The following FAM13A variants were observed in gnomAD, a reference collection of about 807,000 sequenced individuals.
FAM13A encodes family with sequence similarity 13 member A.
A neutral mutation model predicts 129.6 loss-of-function variants in FAM13A; 76 were observed. The ratio of observed to expected loss-of-function variants is 0.59; its 90% CI spans 0.49 to 0.71. The LOEUF (loss-of-function observed/expected upper bound fraction) is 0.71, where lower values mean the gene tolerates loss of function less well. Among genes scored for constraint, FAM13A ranks in the 30% least tolerant of loss-of-function variants. The pLI is 0.00. For synonymous variants in FAM13A, 443 were observed against 449.9 expected, an observed-to-expected ratio of 0.98 and a Z score of 0.20; for missense variants, 1,108 against 1,249.3, an observed-to-expected ratio of 0.89 and a Z score of 1.70.
intron 7 of FAM13A, among the ~76,000 whole-genome samples, chr4:88,843,748 A>T (rs1264108542): frequency 6.6e-6 from 1 of 152,244 alleles, no homozygotes; most frequent in Admixed American, 6.5e-5. Flanking sequence ...GTCACAAGGC[A>T]CAAACTTTCT....
chr4:88,923,415 T>G lies in FAM13A; in HGVS notation c.759+14673A>C, dbSNP rs566699933. ...GGTTCAACAAACGCAAATCAATAAA[T>G]GTAATCCAGCATATAAACAGAACCA... On this transcript the variant is annotated intron_variant, in intron 5 of 23. Transcript: ENST00000264344. Among the ~76,000 whole-genome samples the G allele has an allele frequency of 4.0e-4, 61 of 152,300 alleles. 1 individual carries two copies. The South Asian group carries it at 0.011, about 26-fold the overall frequency.
intron 5 of FAM13A, among the ~76,000 whole-genome samples, chr4:88,935,485 T>G (rs1367338457): frequency 1.3e-5 from 2 of 152,186 alleles, no homozygotes; most frequent in African/African-American, 4.8e-5. Context: ...CTCTTGGGTC[T>G]TTATCATTTA....
intron 4 of FAM13A, among the ~76,000 whole-genome samples, chr4:88,958,303 C>T (rs1020303306): frequency 6.6e-6 from 1 of 152,216 alleles, no homozygotes; most frequent in African/African-American, 2.4e-5. Context: ...CCCTGCACCG[C>T]TTCAGGACAC....
Position 89,046,267 on chromosome 4 carries a change from TATG to T in FAM13A, c.27+10668_27+10670del, listed in dbSNP as rs1770843413. On this transcript the variant is annotated intron_variant, in intron 1 of 23. Coordinates refer to ENST00000264344, the MANE Select transcript of FAM13A (RefSeq NM_014883.4). Reference sequence around the variant, plus strand: ...ATAAAATAAAAGTATAACCATGTAATATGAAGAAGAAATGAAAAACCTGGAACA... The same window carrying T: ...ATAAAATAAAAGTATAACCATGTAATAAGAAGAAATGAAAAACCTGGAACA... 4.6e-5 allele frequency among the ~76,000 whole-genome samples: 7 copies of T among 151,982 alleles called. No homozygotes were observed. The South Asian group carries it at 1.5e-3, about 32-fold the overall frequency.
chr4:89,055,418 G>A (rs1295306169), intron 1 of FAM13A, among the ~76,000 whole-genome samples: 1 of 152,090 alleles, frequency 6.6e-6, no homozygotes, highest in African/African-American at 2.4e-5. Flanking sequence ...TGATTTTTAT[G>A]TCAACTTTAA....
intron 7 of FAM13A, among the ~76,000 whole-genome samples, chr4:88,831,186 T>C (rs1295244202): frequency 1.3e-5 from 2 of 152,206 alleles, no homozygotes; most frequent in Non-Finnish European, 2.9e-5. Flanking sequence ...CACATTTTCC[T>C]GGAATGGGAC....
chr4:89,035,097 A>G (rs927545235), intron 1 of FAM13A, among the ~76,000 whole-genome samples: 1 of 152,218 alleles, frequency 6.6e-6, no homozygotes, highest in Non-Finnish European at 1.5e-5. Flanking sequence ...GCTGGAGGCC[A>G]GTATCCTAAG....
At chr4:88,888,033 T>C (rs1744732684) in intron 6 of FAM13A, among the ~76,000 whole-genome samples, 1 of 152,210 alleles carries the variant, frequency 6.6e-6, no homozygotes, top group African/African-American at 2.4e-5. Context: ...TCAGAATTTA[T>C]CTTCTAATAC....
In FAM13A at chr4:88,728,207, G is replaced by C. The variant is rs1254074452; in HGVS notation, c.*326C>G. On this transcript the variant is annotated 3_prime_UTR_variant, in exon 24 of 24. Transcript: ENST00000264344. Reference sequence around the variant, plus strand: ...AACAGTGTATATTCTCTGTAGATGAGTGTTGTCTAATGTAGTGATTAATCT... The same window carrying C: ...AACAGTGTATATTCTCTGTAGATGACTGTTGTCTAATGTAGTGATTAATCT... The C allele has an allele frequency of 3.2e-6, 1 of 314,960 alleles. No individual in the cohort carries two copies. Among genetic ancestry groups the C allele is most frequent in the Non-Finnish European group, 6.0e-6 (1 of 166,414 alleles). The allele number at this position is 314,960 out of a possible 1,614,324, so 19.5% of individuals were successfully genotyped here.
intron 3 of FAM13A, among the ~76,000 whole-genome samples, chr4:89,007,558 CCA>C (rs1765215064): frequency 6.6e-6 from 1 of 152,166 alleles, no homozygotes; most frequent in Admixed American, 6.5e-5. Flanking sequence ...CCCAGGTAAA[CCA>C]CACTTGAATT....
intron 7 of FAM13A, among the ~76,000 whole-genome samples, chr4:88,819,639 T>C (rs1241760122): frequency 6.6e-6 from 1 of 152,190 alleles, no homozygotes; most frequent in Non-Finnish European, 1.5e-5. Flanking sequence ...AAGGTAAATT[T>C]AGTCACCTGA....
At chr4:88,823,899 C>A (rs1359517736) in intron 7 of FAM13A, among the ~76,000 whole-genome samples, 1 of 152,210 alleles carries the variant, frequency 6.6e-6, no homozygotes, top group Admixed American at 6.5e-5. Flanking sequence ...AAAATTGTTT[C>A]AACTTACTAT....
rs1354053355 is a variant in FAM13A at position 88,906,558 on chromosome 4, A to C, written c.760-96T>G. On this transcript the variant is annotated intron_variant, in intron 5 of 23. Coordinates refer to ENST00000264344, the MANE Select transcript of FAM13A (RefSeq NM_014883.4). ...TGAAAAACAGTTTTGAAGAGAGAGC[A>C]TTTCTGGATTGAGTTGTTCACATCA... 3.8e-6 allele frequency: 3 copies of C among 790,954 alleles called. No individual in the cohort carries two copies. The African/African-American group carries it at 5.3e-5, about 14-fold the overall frequency. The allele number at this position is 790,954 out of a possible 1,614,324, so 49.0% of individuals were successfully genotyped here.
chr4:88,986,991 A>G (rs577436285), intron 4 of FAM13A, among the ~76,000 whole-genome samples: 82 of 152,186 alleles, frequency 5.4e-4, no homozygotes, highest in Admixed American at 1.1e-3. Context: ...TAATTCTTCT[A>G]TAGAAGAAAC....
intron 8 of FAM13A, among the ~76,000 whole-genome samples, chr4:88,797,592 T>C (rs1726476593): frequency 6.6e-6 from 1 of 152,144 alleles, no homozygotes; most frequent in Admixed American, 6.6e-5. Context: ...CTTTATCCTG[T>C]TCCTTTTCAT....
chr4:88,942,087 T>C (rs950522335), intron 4 of FAM13A, among the ~76,000 whole-genome samples: 1 of 152,082 alleles, frequency 6.6e-6, no homozygotes, highest in Non-Finnish European at 1.5e-5. Flanking sequence ...GAATAAAAAT[T>C]ATGGCCACAG....
intron 4 of FAM13A, among the ~76,000 whole-genome samples, chr4:88,968,632 G>A (rs1324508901): frequency 6.6e-6 from 1 of 152,012 alleles, no homozygotes; most frequent in Non-Finnish European, 1.5e-5. Flanking sequence ...TTCCAAAAGT[G>A]TTTTGGACGT....
intron 1 of FAM13A, among the ~76,000 whole-genome samples, chr4:89,039,664 A>G (rs1769842577): frequency 6.6e-6 from 1 of 152,208 alleles, no homozygotes; most frequent in Non-Finnish European, 1.5e-5. Flanking sequence ...TGGGAGGCCG[A>G]GGCAGAAGGA....
chr4:89,002,477 C>T (rs1217081653), intron 3 of FAM13A, among the ~76,000 whole-genome samples: 1 of 152,128 alleles, frequency 6.6e-6, no homozygotes, highest in Non-Finnish European at 1.5e-5. Context: ...TCATTATTTC[C>T]TTACTGATGG....
Sources: allele counts gnomAD v4.1 joint callset (sites outside exome capture counted in the v4.1 genomes callset), GRCh38; gene constraint gnomAD v4.1.1; transcripts MANE v1.5; gene names NCBI Gene and HGNC (gene_info 2026-07-23, HGNC 2026-07-21).